Variants in NXPH1 observed in about 807,000 individuals in gnomAD.
NXPH1 encodes the protein neurexophilin-1.
In NXPH1, 5 loss-of-function variants were observed where a neutral mutation model predicts 23.7. The observed-to-expected ratio is 0.21, with a 90% CI of 0.11 to 0.44. The LOEUF (loss-of-function observed/expected upper bound fraction) is 0.44, where lower values mean the gene tolerates loss of function less well. Among genes scored for constraint, NXPH1 ranks in the 20% least tolerant of loss-of-function variants. NXPH1 has a pLI of 0.99. For synonymous variants in NXPH1, 144 were observed against 122.2 expected (o/e 1.18, Z -1.18); for missense variants, 324 against 321.6 (o/e 1.01, Z -0.06).
At chr7:8,518,454 A>G (rs1179491891) in intron 2 of NXPH1, among the ~76,000 whole-genome samples, 1 of 152,168 alleles carries the variant, frequency 6.6e-6, no homozygotes. Context: ...ACAGAAGAAT[A>G]TATAAAGCAT....
chr7:8,648,851 T>C (rs1317609162), intron 2 of NXPH1, among the ~76,000 whole-genome samples: 1 of 151,406 alleles, frequency 6.6e-6, no homozygotes, highest in Non-Finnish European at 1.5e-5. Context: ...TATCAATTCT[T>C]ATTGTAGTTT....
At chr7:8,526,554 T>C (rs1385450939) in intron 2 of NXPH1, among the ~76,000 whole-genome samples, 3 of 152,156 alleles carry the variant, frequency 2.0e-5, no homozygotes, top group African/African-American at 7.2e-5. Context: ...CAACTTGAAT[T>C]GTATCTCACA....
chr7:8,599,788 G>A (rs1370645219), intron 2 of NXPH1, among the ~76,000 whole-genome samples: 1 of 145,106 alleles, frequency 6.9e-6, no homozygotes, highest in Non-Finnish European at 1.5e-5. Flanking sequence ...TTGTGCCCAT[G>A]TTACCCTTAG....
chr7:8,531,553 T>A (rs1817949855), intron 2 of NXPH1, among the ~76,000 whole-genome samples: 1 of 152,172 alleles, frequency 6.6e-6, no homozygotes, highest in Non-Finnish European at 1.5e-5. Context: ...TTATTTTCCA[T>A]CTCAGCACTT....
intron 2 of NXPH1, among the ~76,000 whole-genome samples, chr7:8,720,443 C>T (rs1779953062): frequency 6.6e-6 from 1 of 152,094 alleles, no homozygotes; most frequent in Non-Finnish European, 1.5e-5. Context: ...AATGTATTAA[C>T]ATATGATGGA....
chr7:8,751,473 G>A lies in NXPH1; in HGVS notation c.520G>A (p.Val174Met), dbSNP rs1265612691. The A allele has an allele frequency of 3.1e-6, 5 of 1,613,634 alleles. No individual in the cohort carries two copies. The highest frequency in any genetic ancestry group is 2.2e-5 in the East Asian group (1 of 44,896). Residue 174 changes from valine (V) to methionine (M), a missense_variant, in exon 3 of 3, where the codon GTG becomes ATG. By Grantham distance (21) the Val-to-Met change is conservative. Coordinates refer to ENST00000405863, the MANE Select transcript of NXPH1 (RefSeq NM_152745.3). The surrounding 1 kb of genome is among the most constrained non-coding windows in gnomAD (Gnocchi z 4.5). Reference sequence around the variant, plus strand: ...CAGCTTGGTACCCCCTACAAAAATCGTGGAATTTGACTTGGCACAACAAAC... The same window carrying A: ...CAGCTTGGTACCCCCTACAAAAATCATGGAATTTGACTTGGCACAACAAAC... Reference protein sequence around the residue: ...SVSLVPPTKIVEFDLAQQTVI... With the variant: ...SVSLVPPTKIMEFDLAQQTVI...
At position 8,542,939 on chromosome 7, in the gene NXPH1, T is replaced by C. The variant is rs1201933267; in HGVS notation, c.54+107172T>C. Among the ~76,000 whole-genome samples the C allele has an allele frequency of 4.0e-5, 6 of 151,616 alleles. No individual in the cohort carries two copies. The East Asian group carries it at 5.8e-4, about 15-fold the overall frequency. Reference sequence around the variant, plus strand: ...AGACTTTGAGATCTGGAAGGTATAATGCATAGCGTAATTTTATTTTCTCTT... The same window carrying C: ...AGACTTTGAGATCTGGAAGGTATAACGCATAGCGTAATTTTATTTTCTCTT... On this transcript the variant is annotated intron_variant, in intron 2 of 2. Coordinates refer to ENST00000405863, the MANE Select transcript of NXPH1 (RefSeq NM_152745.3).
At chr7:8,538,326 A>G (rs547437603) in intron 2 of NXPH1, among the ~76,000 whole-genome samples, 7 of 152,022 alleles carry the variant, frequency 4.6e-5, no homozygotes, top group South Asian at 2.1e-4. Flanking sequence ...TTCCTCCAAC[A>G]ATCAGAGCTA....
At chr7:8,665,522 T>G (rs1820746729) in intron 2 of NXPH1, among the ~76,000 whole-genome samples, 1 of 152,018 alleles carries the variant, frequency 6.6e-6, no homozygotes, top group African/African-American at 2.4e-5. Flanking sequence ...TCCATATAAA[T>G]TTTAGGACAG....
Position 8,751,330 on chromosome 7 carries a change from C to G in NXPH1, c.377C>G (p.Ser126Cys). 1 of 1,613,892 alleles carries G rather than the reference C, an allele frequency of 6.2e-7. No individual in the cohort carries two copies. The highest frequency in any genetic ancestry group is 1.1e-5 in the South Asian group (1 of 91,076). ...KKMFGWGDFH[S>C]NIKTVKLNLL... ...ATGTTTGGATGGGGCGATTTTCATT[C>G]CAACATCAAAACAGTGAAGCTGAAC... The change falls in exon 3 of 3, where the codon TCC (serine) becomes TGC (cysteine). Residue 126 changes from serine (S) to cysteine (C), a missense_variant. Coordinates refer to ENST00000405863, the MANE Select transcript of NXPH1 (RefSeq NM_152745.3). This position sits in a 1 kb window ranked among gnomAD's most constrained non-coding sequence, Gnocchi z 4.5.
intron 2 of NXPH1, among the ~76,000 whole-genome samples, chr7:8,636,928 G>T (rs1820226661): frequency 6.6e-6 from 1 of 152,158 alleles, no homozygotes; most frequent in South Asian, 2.1e-4. Context: ...AGCTTTGCTT[G>T]CTTGGTCTTC....
At chr7:8,572,157 G>T (rs1818662003) in intron 2 of NXPH1, among the ~76,000 whole-genome samples, 1 of 151,680 alleles carries the variant, frequency 6.6e-6, no homozygotes, top group South Asian at 2.1e-4. Flanking sequence ...ATTTTAAAAA[G>T]AATCATTATC....
At chr7:8,718,323 A>C (rs1318214033) in intron 2 of NXPH1, among the ~76,000 whole-genome samples, 1 of 152,198 alleles carries the variant, frequency 6.6e-6, no homozygotes, top group Admixed American at 6.5e-5. Flanking sequence ...ATATTAATAA[A>C]GTAGGCTTAG....
At chr7:8,474,303 G>A (rs1212635698) in intron 2 of NXPH1, among the ~76,000 whole-genome samples, 5 of 151,880 alleles carry the variant, frequency 3.3e-5, no homozygotes, top group Non-Finnish European at 7.4e-5. Flanking sequence ...CTATCAAATG[G>A]GTGCTGAGAG....
chr7:8,583,640 G>A (rs1411833605), intron 2 of NXPH1, among the ~76,000 whole-genome samples: 1 of 152,134 alleles, frequency 6.6e-6, no homozygotes, highest in African/African-American at 2.4e-5. Context: ...CCTGGTGAAG[G>A]ATGACATACT....
intron 2 of NXPH1, among the ~76,000 whole-genome samples, chr7:8,450,331 T>A (rs1271575985): frequency 3.3e-5 from 5 of 152,248 alleles, no homozygotes; most frequent in Non-Finnish European, 5.9e-5. Context: ...ACACTCTTTT[T>A]AAATTAAAAT....
intron 2 of NXPH1, among the ~76,000 whole-genome samples, chr7:8,488,867 C>T (rs937833492): frequency 2.0e-5 from 3 of 152,130 alleles, no homozygotes; most frequent in Non-Finnish European, 2.9e-5. Flanking sequence ...AATGCCATTG[C>T]TTCTGTTAAG....
intron 2 of NXPH1, among the ~76,000 whole-genome samples, chr7:8,600,094 A>T (rs1819323470): frequency 6.6e-6 from 1 of 152,058 alleles, no homozygotes; most frequent in Non-Finnish European, 1.5e-5. Context: ...ATTTATTTAT[A>T]TGATGTTGGT....
chr7:8,634,665 GTTTTTTTTTTTTTTTTTTT>G (rs144810873), intron 2 of NXPH1, among the ~76,000 whole-genome samples: 3 of 95,696 alleles, frequency 3.1e-5, no homozygotes, highest in Non-Finnish European at 4.2e-5. Context: ...GTCCAGAAGA[GTTTTTTTTTTTTTTTTTTT>G]TTTTTTTTTT....
Sources: allele counts gnomAD v4.1 joint callset (sites outside exome capture counted in the v4.1 genomes callset), GRCh38; gene constraint gnomAD v4.1.1; non-coding constraint Gnocchi (gnomAD v3.1); transcripts MANE v1.5; gene names NCBI Gene and HGNC (gene_info 2026-07-23, HGNC 2026-07-21).